SPDYE18: variants seen among roughly 807,000 people sequenced by gnomAD.
SPDYE18 encodes the protein speedy/RINGO cell cycle regulator family member E18, also known as speedy protein E18.
In SPDYE18, 6 loss-of-function variants were observed where a neutral mutation model predicts 44.9. That is an observed-to-expected ratio of 0.13 (90% CI 0.07 to 0.26). The LOEUF (loss-of-function observed/expected upper bound fraction) is 0.26. Among genes scored for constraint, SPDYE18 ranks in the 10% least tolerant of loss-of-function variants. The probability of loss-of-function intolerance (pLI) is 1.00; values close to 1 mark genes in which losing one functional copy is unlikely to be tolerated. For missense variants in SPDYE18, 121 were observed against 463.2 expected, an observed-to-expected ratio of 0.26 and a Z score of 6.78; for synonymous variants, 35 against 177.1, an observed-to-expected ratio of 0.20 and a Z score of 6.37.
At chr7:77,059,061 C>T in intron 3 of SPDYE18, 119 bp downstream of exon 3, 1 of 1,519,866 alleles carries the variant, frequency 6.6e-7, no homozygotes, top group Middle Eastern at 2.3e-4. Flanking sequence ...CTGAGTCCTC[C>T]TGCGTGGAGA....
At position 77,052,941 on chromosome 7, in the gene SPDYE18, C is replaced by G. The variant is rs1164079670; in HGVS notation, c.999+19G>C. 1.8e-4 allele frequency: 285 copies of G among 1,608,914 alleles called. No individual in the cohort carries two copies. The East Asian group carries it at 2.6e-3, about 15-fold the overall frequency. ...CCCGATTCCTCCCCACCTCCTCCACCTCCCCAGGCCCCACTCACCTCCTCC... is the reference window on the plus strand; with the variant it reads ...CCCGATTCCTCCCCACCTCCTCCACGTCCCCAGGCCCCACTCACCTCCTCC... On this transcript the variant is annotated intron_variant, in intron 7 of 8. Transcript: ENST00000510091.
chr7:77,054,843 C>T (rs1478206323), intron 6 of SPDYE18, among the ~76,000 whole-genome samples: 1 of 151,886 alleles, frequency 6.6e-6, no homozygotes, highest in Non-Finnish European at 1.5e-5. Flanking sequence ...CCTTAACTTA[C>T]TGCAACCTCC....
At chr7:77,052,547 G>A (rs1413763131) in intron 8 of SPDYE18, among the ~76,000 whole-genome samples, 186 bp downstream of exon 8, 7 of 152,240 alleles carry the variant, frequency 4.6e-5, no homozygotes, top group Admixed American at 1.3e-4. Flanking sequence ...CGATCCTCCC[G>A]CCTCAGCCTC....
chr7:77,056,361 G>C, intron 5 of SPDYE18, among the ~76,000 whole-genome samples, 189 bp downstream of exon 5: 1 of 65,530 alleles, frequency 1.5e-5, no homozygotes, highest in Non-Finnish European at 2.9e-5. Context: ...AGTGAGTCAA[G>C]ATCGAGACAC....
intron 6 of SPDYE18, among the ~76,000 whole-genome samples, chr7:77,054,708 T>C (rs1179675764): frequency 3.3e-5 from 5 of 151,370 alleles, no homozygotes; most frequent in African/African-American, 1.2e-4. Flanking sequence ...TAGGAGCGGT[T>C]TATGGTTCCT....
At chr7:77,055,837 C>G (rs1158870483) in intron 5 of SPDYE18, among the ~76,000 whole-genome samples, 1 of 151,142 alleles carries the variant, frequency 6.6e-6, no homozygotes, top group Non-Finnish European at 1.5e-5. Flanking sequence ...GATCCCAGTA[C>G]TTTTTGAGAG....
intron 6 of SPDYE18, among the ~76,000 whole-genome samples, chr7:77,054,788 G>GA (rs1789888898): frequency 1.4e-5 from 2 of 148,058 alleles, no homozygotes; most frequent in Admixed American, 1.4e-4. Flanking sequence ...TTTTTTTTGA[G>GA]AAAAAGTCTC....
intron 4 of SPDYE18, among the ~76,000 whole-genome samples, chr7:77,057,007 T>C (rs1789933584): frequency 6.6e-6 from 1 of 152,244 alleles, no homozygotes; most frequent in Non-Finnish European, 1.5e-5. Flanking sequence ...GAAAAGTCAG[T>C]AAGAGACTTT....
intron 2 of SPDYE18, 97 bp downstream of exon 2, chr7:77,060,256 C>G: frequency 6.6e-7 from 1 of 1,510,426 alleles, no homozygotes; most frequent in South Asian, 1.2e-5. Flanking sequence ...CTCGGCCTCC[C>G]AAAGTGCTGG....
At position 77,060,393 on chromosome 7, in the gene SPDYE18, G is replaced by A. The variant is rs906083687; in HGVS notation, c.120C>T (p.Pro40=). The part of the protein sequence containing the change: ...QSLQRSTSGY[P]LQEVVDDEVL... ...CTTCATCATCCACCACCTCCTGGAGGGGGTACCCCGAGGTGCTCCGCTGGA... is the reference window on the plus strand; with the variant it reads ...CTTCATCATCCACCACCTCCTGGAGAGGGTACCCCGAGGTGCTCCGCTGGA... Residue 40 remains proline, a synonymous_variant, in exon 2 of 9, where the codon CCC becomes CCT. Transcript: ENST00000510091. 6.5e-7 allele frequency: 1 copy of A among 1,535,382 alleles called. No individual in the cohort carries two copies. Among genetic ancestry groups the A allele is most frequent in the Non-Finnish European group, 8.7e-7 (1 of 1,146,924 alleles).
At chr7:77,060,205 C>G in intron 2 of SPDYE18, 148 bp downstream of exon 2, 1 of 1,405,750 alleles carries the variant, frequency 7.1e-7, no homozygotes, top group South Asian at 1.5e-5. Flanking sequence ...CCATATTGGC[C>G]AGGCTGGCCT....
chr7:77,053,803 C>T (rs1375570206), intron 6 of SPDYE18, among the ~76,000 whole-genome samples: 1 of 151,024 alleles, frequency 6.6e-6, no homozygotes. Flanking sequence ...TGGGCCACTC[C>T]ATTCCAGCCT....
At chr7:77,059,053 G>C in intron 3 of SPDYE18, 127 bp downstream of exon 3, 1 of 1,497,692 alleles carries the variant, frequency 6.7e-7, no homozygotes, top group Non-Finnish European at 8.9e-7. Flanking sequence ...GATCACTTCT[G>C]AGTCCTCCTG....
In SPDYE18 at chr7:77,050,510, A is replaced by AAATT. The variant is rs1418925371; in HGVS notation, c.*1414_*1415insAATT. Among the ~76,000 whole-genome samples, 1 of 152,248 alleles carries AAATT rather than the reference A, an allele frequency of 6.6e-6. No homozygotes were observed. The highest frequency in any genetic ancestry group is 2.4e-5 in the African/African-American group (1 of 41,478). On this transcript the variant is annotated 3_prime_UTR_variant, in exon 9 of 9. Transcript: ENST00000510091. ...CTCCTTTAGAACACACATCCTCTTT[A>AAATT]AAGTAACATACAAAGATGCCAAAAC...
At chr7:77,052,494 G>T (rs1204138311) in intron 8 of SPDYE18, among the ~76,000 whole-genome samples, 2 of 152,054 alleles carry the variant, frequency 1.3e-5, no homozygotes, top group Admixed American at 6.6e-5. Context: ...GAGTGCAGTG[G>T]CAGGATCAGG....
rs1402892869 is a variant in SPDYE18 at position 77,050,817 on chromosome 7, A to G, written c.*1108T>C. ...ATAATAGTTATAACACCCATCACAC[A>G]GCTTTATAGAAACAGCATCTATTCA... On this transcript the variant is annotated 3_prime_UTR_variant, in exon 9 of 9. Transcript: ENST00000510091. Among the ~76,000 whole-genome samples, 86 of 151,498 alleles carry G rather than the reference A, an allele frequency of 5.7e-4. No individual in the cohort carries two copies. The highest frequency in any genetic ancestry group is 3.4e-3 in the Middle Eastern group (1 of 292).
Position 77,050,479 on chromosome 7 carries a change from C to G in SPDYE18, c.*1446G>C, listed in dbSNP as rs1367000619. On this transcript the variant is annotated 3_prime_UTR_variant, in exon 9 of 9. Coordinates refer to ENST00000510091, the MANE Select transcript of SPDYE18 (RefSeq NM_001394953.1). ...ATTGTTCTCTTGAAAACACACAGCT[C>G]ATGTCCTCCTTTAGAACACACATCC... is the stretch of plus-strand genomic sequence containing the variant. Among the ~76,000 whole-genome samples, 1 of 152,248 alleles carries G rather than the reference C, an allele frequency of 6.6e-6. No individual in the cohort carries two copies. The highest frequency in any genetic ancestry group is 2.4e-5 in the African/African-American group (1 of 41,470).
At position 77,060,415 on chromosome 7, in the gene SPDYE18, T is replaced by C. The variant is rs957511362; in HGVS notation, c.98A>G (p.Gln33Arg). ...GAGGGGGTACCCCGAGGTGCTCCGCTGGAGACTCTGCTCATTCTGGGGGTG... is the reference window on the plus strand; with the variant it reads ...GAGGGGGTACCCCGAGGTGCTCCGCCGGAGACTCTGCTCATTCTGGGGGTG... ...QPHPQNEQSLQRSTSGYPLQE... is the reference protein window; with the variant it reads ...QPHPQNEQSLRRSTSGYPLQE... The change falls in exon 2 of 9, where the codon CAG becomes CGG. Residue 33 changes from glutamine to arginine, a missense_variant. Coordinates refer to ENST00000510091, the MANE Select transcript of SPDYE18 (RefSeq NM_001394953.1). The C allele has an allele frequency of 7.6e-5, 117 of 1,535,446 alleles. 1 individual carries two copies. The South Asian group carries it at 8.5e-4, about 11-fold the overall frequency.
intron 8 of SPDYE18, among the ~76,000 whole-genome samples, chr7:77,052,277 C>T (rs1789816483): frequency 1.3e-5 from 2 of 151,944 alleles, no homozygotes; most frequent in Non-Finnish European, 2.9e-5. Context: ...AACCACGAGT[C>T]CAGAAGCCTA....
Sources: allele counts gnomAD v4.1 joint callset (sites outside exome capture counted in the v4.1 genomes callset), GRCh38; gene constraint gnomAD v4.1.1; transcripts MANE v1.5; gene names NCBI Gene and HGNC (gene_info 2026-07-23, HGNC 2026-07-21).